EPHA3: variants seen among roughly 807,000 people sequenced by gnomAD.
The protein encoded by EPHA3 is EPH receptor A3.
A neutral mutation model predicts 107.1 loss-of-function variants in EPHA3; 42 were observed. The observed-to-expected ratio is 0.39, with a 90% CI of 0.31 to 0.51. The LOEUF (loss-of-function observed/expected upper bound fraction) is 0.51. Among genes scored for constraint, EPHA3 ranks in the 20% least tolerant of loss-of-function variants. The probability of loss-of-function intolerance (pLI) is 0.78; values close to 1 mark genes in which losing one functional copy is unlikely to be tolerated. For missense variants in EPHA3, 1,183 were observed against 1,211.2 expected (o/e 0.98, Z 0.35); for synonymous variants, 461 against 424.8 (o/e 1.09, Z -1.05).
intron 3 of EPHA3, among the ~76,000 whole-genome samples, chr3:89,299,781 G>T (rs986570869): frequency 6.6e-6 from 1 of 151,954 alleles, no homozygotes; most frequent in Admixed American, 6.6e-5. Flanking sequence ...AATGTATTGG[G>T]CAGGAGTTTG....
At chr3:89,166,452 T>C (rs1458507199) in intron 2 of EPHA3, among the ~76,000 whole-genome samples, 1 of 152,212 alleles carries the variant, frequency 6.6e-6, no homozygotes, top group Non-Finnish European at 1.5e-5. Flanking sequence ...GAAAATGATA[T>C]AAAGTCTTTA....
intron 1 of EPHA3, among the ~76,000 whole-genome samples, chr3:89,114,266 C>T (rs1707196633): frequency 6.6e-6 from 1 of 152,116 alleles, no homozygotes; most frequent in Admixed American, 6.5e-5. Flanking sequence ...AATTTTAGCA[C>T]AAAGCAGAGC....
chr3:89,196,122 C>T (rs1330698539), intron 2 of EPHA3, among the ~76,000 whole-genome samples: 2 of 151,984 alleles, frequency 1.3e-5, no homozygotes, highest in Middle Eastern at 3.4e-3. Flanking sequence ...TTTCCTTTGC[C>T]TTGAATGATG....
chr3:89,203,324 TAAAAA>T (rs138552890), intron 2 of EPHA3, among the ~76,000 whole-genome samples: 26 of 138,372 alleles, frequency 1.9e-4, no homozygotes, highest in Non-Finnish European at 2.5e-4. Flanking sequence ...TAGCCGGAAT[TAAAAA>T]AAAAACAAAA....
At chr3:89,387,973 T>C (rs1278985041) in intron 5 of EPHA3, among the ~76,000 whole-genome samples, 1 of 152,150 alleles carries the variant, frequency 6.6e-6, no homozygotes, top group East Asian at 1.9e-4. Context: ...TATACTGTTA[T>C]CAAAAAATCG....
chr3:89,275,456 T>C (rs192183577), intron 3 of EPHA3, among the ~76,000 whole-genome samples: 83 of 152,188 alleles, frequency 5.5e-4, no homozygotes, highest in Admixed American at 3.6e-3. Flanking sequence ...GTCATACTAA[T>C]AAAGTTCTTA....
chr3:89,454,200 C>T (rs964226335), intron 15 of EPHA3, among the ~76,000 whole-genome samples: 2 of 152,086 alleles, frequency 1.3e-5, no homozygotes, highest in Non-Finnish European at 2.9e-5. Context: ...AATATTACCC[C>T]TGCTGGCCCC....
rs186946436 is a variant in EPHA3 at position 89,435,821 on chromosome 3, T to C, written c.2346+4462T>C. Among the ~76,000 whole-genome samples the C allele has an allele frequency of 9.7e-3, 1,461 of 150,174 alleles. 28 individuals are homozygous for C. The highest frequency in any genetic ancestry group is 0.034 in the African/African-American group (1,398 of 41,052). ...TACAAAAATTAGCTGGGTGTGGTGG[T>C]GTGCGCCTGTAATCCCAGCTACTTG... is the stretch of plus-strand genomic sequence containing the variant. On this transcript the variant is annotated intron_variant, in intron 13 of 16. Coordinates refer to ENST00000336596, the MANE Select transcript of EPHA3 (RefSeq NM_005233.6).
chr3:89,389,524 A>C (rs1708684272), intron 5 of EPHA3, among the ~76,000 whole-genome samples: 1 of 152,222 alleles, frequency 6.6e-6, no homozygotes, highest in African/African-American at 2.4e-5. Context: ...TCAGAGGTTC[A>C]TTAGAAATTC....
At chr3:89,357,585 C>T (rs1418638787) in intron 5 of EPHA3, among the ~76,000 whole-genome samples, 1 of 151,190 alleles carries the variant, frequency 6.6e-6, no homozygotes, top group East Asian at 1.9e-4. Context: ...AAATGAAGTA[C>T]ATGTTATGGA....
chr3:89,431,516 G>C (rs1318663156), intron 13 of EPHA3, among the ~76,000 whole-genome samples, 157 bp downstream of exon 13: 1 of 151,932 alleles, frequency 6.6e-6, no homozygotes, highest in Non-Finnish European at 1.5e-5. Context: ...TATTTATTCT[G>C]GGTAAATAGA....
At chr3:89,439,757 A>G (rs1709748119) in intron 13 of EPHA3, among the ~76,000 whole-genome samples, 1 of 151,352 alleles carries the variant, frequency 6.6e-6, no homozygotes, top group African/African-American at 2.4e-5. Context: ...ACACACACAT[A>G]TATATATGTA....
At chr3:89,261,329 TG>T (rs1398436730) in intron 3 of EPHA3, among the ~76,000 whole-genome samples, 2 of 152,172 alleles carry the variant, frequency 1.3e-5, no homozygotes, top group Non-Finnish European at 2.9e-5. Context: ...CCTCCTGCCT[TG>T]TTCTTTGTAT....
intron 1 of EPHA3, among the ~76,000 whole-genome samples, chr3:89,114,115 G>C (rs915973612): frequency 6.6e-6 from 1 of 152,212 alleles, no homozygotes; most frequent in African/African-American, 2.4e-5. Flanking sequence ...TGGCAGCACT[G>C]TACAAACAAA....
intron 2 of EPHA3, among the ~76,000 whole-genome samples, chr3:89,157,832 T>G (rs1214182421): frequency 6.7e-6 from 1 of 149,566 alleles, no homozygotes; most frequent in Non-Finnish European, 1.5e-5. Flanking sequence ...ATATATACAG[T>G]GTAGGTAGTA....
rs538180221 is a variant in EPHA3 at position 89,107,935 on chromosome 3, C to T, written c.88+99C>T. 5.4e-5 allele frequency: 62 copies of T among 1,139,798 alleles called. No homozygotes were observed. In the South Asian group the frequency reaches 6.7e-4, roughly 12 times the overall value. The allele number at this position is 1,139,798 out of a possible 1,614,324, so 70.6% of individuals were successfully genotyped here. On this transcript the variant is annotated intron_variant, in intron 1 of 16. Coordinates refer to ENST00000336596, the MANE Select transcript of EPHA3 (RefSeq NM_005233.6). ...GCCTTGCACGTCGGGAAGGTGCCTC[C>T]GAATAGAGCAGTTTGCTCTGAGAGT...
chr3:89,197,187 A>G (rs898868084), intron 2 of EPHA3, among the ~76,000 whole-genome samples: 1 of 152,192 alleles, frequency 6.6e-6, no homozygotes, highest in Non-Finnish European at 1.5e-5. Context: ...GTAATGTTTC[A>G]TGACATCTTG....
chr3:89,393,345 A>T (rs1227053435), intron 5 of EPHA3, among the ~76,000 whole-genome samples: 2 of 152,256 alleles, frequency 1.3e-5, no homozygotes, highest in African/African-American at 4.8e-5. Flanking sequence ...TCAGTGCAGA[A>T]GCAGTAAAAT....
At chr3:89,370,327 A>G (rs865888013) in intron 5 of EPHA3, among the ~76,000 whole-genome samples, 2,218 of 151,890 alleles carry the variant, frequency 0.015, 41 homozygotes, top group African/African-American at 0.051. Context: ...CTATGCAGCC[A>G]TAAAAAATGA....
Sources: allele counts gnomAD v4.1 joint callset (sites outside exome capture counted in the v4.1 genomes callset), GRCh38; gene constraint gnomAD v4.1.1; transcripts MANE v1.5; gene names NCBI Gene and HGNC (gene_info 2026-07-23, HGNC 2026-07-21).